The following TOMM34 variants were observed in gnomAD, a reference collection of about 807,000 sequenced individuals.
TOMM34 encodes translocase of outer mitochondrial membrane 34.
TOMM34 carries 24 observed loss-of-function variants against 37.4 expected under a neutral mutation model. The ratio of observed to expected loss-of-function variants is 0.64; its 90% CI spans 0.46 to 0.90. TOMM34 has a LOEUF of 0.90. Among genes scored for constraint, TOMM34 ranks in the 40% least tolerant of loss-of-function variants. The pLI, the probability that TOMM34 is intolerant of heterozygous loss-of-function variation, is 0.00. For missense variants in TOMM34, 304 were observed against 375.6 expected (o/e 0.81, Z 1.58); for synonymous variants, 154 against 148.9 (o/e 1.03, Z -0.25).
rs1250655606 is a variant in TOMM34 at position 44,960,242 on chromosome 20, A to G, written c.92T>C (p.Leu31Pro). Residue 31 changes from leucine (L) to proline (P), a missense_variant, in exon 1 of 7, where the codon CTC becomes CCC. Coordinates refer to ENST00000372813, the MANE Select transcript of TOMM34 (RefSeq NM_006809.5). ...CAGCACCCGCAGCGCGCGGCCGTAG[A>G]GCGCGGAGGCCTCGGCGTACTGGCC... ...RNGQYAEASA[L>P]YGRALRVLQA... 6.4e-7 allele frequency: 1 copy of G among 1,567,014 alleles called. No individual in the cohort carries two copies. Among genetic ancestry groups the G allele is most frequent in the Non-Finnish European group, 8.6e-7 (1 of 1,156,844 alleles).
intron 3 of TOMM34, among the ~76,000 whole-genome samples, chr20:44,953,000 A>G (rs969913867): frequency 1.3e-5 from 2 of 151,550 alleles, no homozygotes; most frequent in Non-Finnish European, 2.9e-5. Flanking sequence ...AATCCTTCCT[A>G]TTTCTCTCCT....
chr20:44,955,921 T>C (rs1004471199), intron 2 of TOMM34, among the ~76,000 whole-genome samples: 3 of 152,218 alleles, frequency 2.0e-5, no homozygotes, highest in Admixed American at 6.5e-5. Context: ...AAAAGAGATA[T>C]GAAACATTGT....
chr20:44,955,041 A>T (rs2067058947), intron 3 of TOMM34, 27 bp downstream of exon 3: 3 of 1,612,450 alleles, frequency 1.9e-6, no homozygotes, highest in Non-Finnish European at 1.7e-6. Context: ...GTTGCCGTGG[A>T]GACCACCTGC....
intron 3 of TOMM34, among the ~76,000 whole-genome samples, chr20:44,953,661 G>A (rs1371660825): frequency 2.0e-5 from 3 of 152,114 alleles, no homozygotes; most frequent in Admixed American, 1.3e-4. Context: ...ACCTCCGACT[G>A]AATGTCAATA....
chr20:44,955,751 C>T (rs1270898649), intron 2 of TOMM34: 3 of 414,114 alleles, frequency 7.2e-6, no homozygotes, highest in African/African-American at 2.0e-5. Flanking sequence ...CAAATTAATT[C>T]AGCACAGGCT....
chr20:44,954,589 C>T (rs915026532), intron 3 of TOMM34, among the ~76,000 whole-genome samples: 4 of 152,148 alleles, frequency 2.6e-5, no homozygotes, highest in Non-Finnish European at 5.9e-5. Context: ...TGCTCAGAGA[C>T]CAGAAAGGAA....
intron 5 of TOMM34, among the ~76,000 whole-genome samples, 169 bp from the exon 6 acceptor site, chr20:44,943,748 C>T (rs949767226): frequency 6.6e-6 from 1 of 152,130 alleles, no homozygotes; most frequent in Non-Finnish European, 1.5e-5. Flanking sequence ...ATGGATGAAA[C>T]ATGCTGGCTC....
At chr20:44,943,311 GC>G (rs2066951761) in intron 6 of TOMM34, 98 bp from the exon 7 acceptor site, 1 of 1,595,880 alleles carries the variant, frequency 6.3e-7, no homozygotes, top group East Asian at 2.2e-5. Flanking sequence ...CAGCCCACAG[GC>G]CTGCTCTGAG....
At chr20:44,951,255 T>C (rs1171398119) in intron 4 of TOMM34, among the ~76,000 whole-genome samples, 2 of 152,140 alleles carry the variant, frequency 1.3e-5, no homozygotes, top group African/African-American at 2.4e-5. Context: ...TTTCTCTGGG[T>C]CATGAGGCAT....
intron 1 of TOMM34, among the ~76,000 whole-genome samples, chr20:44,956,888 AAAAG>A (rs1286045476): frequency 6.6e-6 from 1 of 151,332 alleles, no homozygotes; most frequent in Admixed American, 6.6e-5. Context: ...AAAAAAAAAG[AAAAG>A]AAAGGGAGGG....
chr20:44,950,072 T>C (rs2067013379), intron 4 of TOMM34, among the ~76,000 whole-genome samples: 1 of 152,246 alleles, frequency 6.6e-6, no homozygotes, highest in South Asian at 2.1e-4. Context: ...TTTTTTGCTA[T>C]TACAGTCTTC....
intron 2 of TOMM34, 61 bp downstream of exon 2, chr20:44,956,325 A>G (rs556742093): frequency 6.6e-7 from 1 of 1,522,224 alleles, no homozygotes; most frequent in East Asian, 2.3e-5. Context: ...AACAAGCCAG[A>G]TTAACCCAGC....
Position 44,942,820 on chromosome 20 carries a change from T to C in TOMM34, c.*289A>G. 1 of 501,346 alleles carries C rather than the reference T, an allele frequency of 2.0e-6. No individual in the cohort carries two copies. The highest frequency in any genetic ancestry group is 3.6e-6 in the Non-Finnish European group (1 of 279,166). The allele number at this position is 501,346 out of a possible 1,614,324, so 31.1% of individuals were successfully genotyped here. On this transcript the variant is annotated 3_prime_UTR_variant, in exon 7 of 7. Transcript: ENST00000372813. The stretch of plus-strand genomic sequence containing the variant: ...GCCAAATGCTTTGCTGATGAGGATC[T>C]GTTGGTGTGATCAGCTAGCTGGGCT...
intron 5 of TOMM34, 151 bp downstream of exon 5, chr20:44,948,579 C>CT: frequency 6.3e-6 from 6 of 953,434 alleles, no homozygotes; most frequent in Non-Finnish European, 9.1e-6. Context: ...ATGAATGCCA[C>CT]TGGTCATGGC....
chr20:44,960,157 C>T, intron 1 of TOMM34, 50 bp downstream of exon 1: 1 of 1,518,932 alleles, frequency 6.6e-7, no homozygotes, highest in Non-Finnish European at 8.8e-7. Flanking sequence ...GCGGTGGTTG[C>T]GGGAGTTGGA....
chr20:44,950,339 G>GA (rs1450294279), intron 4 of TOMM34, among the ~76,000 whole-genome samples: 2 of 152,152 alleles, frequency 1.3e-5, no homozygotes, highest in African/African-American at 4.8e-5. Flanking sequence ...GTCTTTCCCC[G>GA]ACTCCCTCAT....
chr20:44,948,979 C>G (rs2234206), intron 4 of TOMM34, 102 bp from the exon 5 acceptor site: 501,654 of 1,403,816 alleles, frequency 0.36, 92,954 homozygotes, highest in Admixed American at 0.52. Flanking sequence ...CTACAATCCT[C>G]TCTCCCAGAG....
Position 44,952,488 on chromosome 20 carries a change from C to T in TOMM34, c.381-486G>A, listed in dbSNP as rs114185257. On this transcript the variant is annotated intron_variant, in intron 3 of 6. Transcript: ENST00000372813. ...TGTGGCATGTGAGATCTGGTCCCCA[C>T]CCCTTCCTGTCCCCCTTCACTGTGA... 4.2e-3 allele frequency among the ~76,000 whole-genome samples: 646 copies of T among 152,260 alleles called. 3 individuals carry two copies. Among genetic ancestry groups the T allele is most frequent in the African/African-American group, 0.015 (623 of 41,536 alleles).
chr20:44,946,925 A>G (rs1449605719), intron 5 of TOMM34, among the ~76,000 whole-genome samples: 1 of 152,262 alleles, frequency 6.6e-6, no homozygotes, highest in Non-Finnish European at 1.5e-5. Flanking sequence ...ATGGGAAAAT[A>G]CTAGGAATGC....
Sources: gnomAD v4.1 joint callset for allele counts (sites outside exome capture counted in the v4.1 genomes callset) on GRCh38, gnomAD v4.1.1 for gene constraint, MANE v1.5 for transcripts, NCBI Gene and HGNC (gene_info 2026-07-23, HGNC 2026-07-21) for gene names.